The following DCC variants were observed in gnomAD, a reference collection of about 807,000 sequenced individuals.
The protein encoded by DCC is netrin receptor DCC.
DCC carries 58 observed loss-of-function variants against 172.5 expected under a neutral mutation model. The observed-to-expected ratio is 0.34, with a 90% CI of 0.27 to 0.42. DCC has a LOEUF of 0.42. Ranked by LOEUF, DCC falls within the 10% of genes least tolerant of loss-of-function variation. The pLI, the probability that DCC is intolerant of heterozygous loss-of-function variation, is 1.00. For synonymous variants in DCC, 709 were observed against 644.5 expected, an observed-to-expected ratio of 1.10 and a Z score of -1.52; for missense variants, 1,740 against 1,791.0, an observed-to-expected ratio of 0.97 and a Z score of 0.51.
At chr18:52,858,979 G>A (rs1301744110) in intron 2 of DCC, among the ~76,000 whole-genome samples, 1 of 152,070 alleles carries the variant, frequency 6.6e-6, no homozygotes, top group Non-Finnish European at 1.5e-5. Flanking sequence ...CAGTAAAATA[G>A]GGCAAATATA....
intron 7 of DCC, among the ~76,000 whole-genome samples, chr18:53,093,108 C>T (rs891019199): frequency 6.6e-6 from 1 of 151,988 alleles, no homozygotes; most frequent in African/African-American, 2.4e-5. Flanking sequence ...ATGGTGAAAC[C>T]CCATCTCTAC....
At chr18:52,433,514 G>T (rs1388919338) in intron 1 of DCC, among the ~76,000 whole-genome samples, 1 of 152,022 alleles carries the variant, frequency 6.6e-6, no homozygotes, top group African/African-American at 2.4e-5. Context: ...ACAACAATTT[G>T]GCAAATAATG....
intron 14 of DCC, among the ~76,000 whole-genome samples, chr18:53,331,246 G>A (rs1349884139): frequency 6.6e-6 from 1 of 152,132 alleles, no homozygotes; most frequent in African/African-American, 2.4e-5. Flanking sequence ...CAAACCAATA[G>A]GTCTGTAGTT....
chr18:52,504,388 C>A (rs1598871439), intron 1 of DCC, among the ~76,000 whole-genome samples: 2 of 152,142 alleles, frequency 1.3e-5, no homozygotes, highest in Non-Finnish European at 1.5e-5. Flanking sequence ...CTGGCTAGTA[C>A]TTCCTGTCCT....
chr18:53,278,049 A>T (rs2056826651), intron 12 of DCC, among the ~76,000 whole-genome samples: 1 of 152,142 alleles, frequency 6.6e-6, no homozygotes. Flanking sequence ...TTTTCTTTAA[A>T]GGGAGTTGAT....
At chr18:53,415,082 G>T (rs1056367909) in intron 20 of DCC, among the ~76,000 whole-genome samples, 1 of 152,078 alleles carries the variant, frequency 6.6e-6, no homozygotes, top group Non-Finnish European at 1.5e-5. Context: ...TTCTTATTAG[G>T]CAATGATTTG....
chr18:52,866,161 A>G (rs772576217), intron 2 of DCC, among the ~76,000 whole-genome samples: 1 of 152,076 alleles, frequency 6.6e-6, no homozygotes, highest in African/African-American at 2.4e-5. Flanking sequence ...TCCTTTCCGC[A>G]CTGCTTGTTT....
chr18:53,301,313 T>G (rs1422917326), intron 12 of DCC, among the ~76,000 whole-genome samples: 2 of 151,976 alleles, frequency 1.3e-5, no homozygotes, highest in Non-Finnish European at 2.9e-5. Context: ...GGTCTCGAAC[T>G]CCTGACCACA....
intron 9 of DCC, among the ~76,000 whole-genome samples, chr18:53,193,403 G>A (rs1039264264): frequency 6.6e-6 from 1 of 152,102 alleles, no homozygotes; most frequent in Non-Finnish European, 1.5e-5. Flanking sequence ...AACATTCATT[G>A]AGCATTTCCT....
intron 2 of DCC, among the ~76,000 whole-genome samples, chr18:52,825,936 G>GA (rs758367698): frequency 4.9e-4 from 75 of 152,146 alleles, no homozygotes; most frequent in Non-Finnish European, 3.4e-4. Flanking sequence ...CTGAGGGGGG[G>GA]AAAAACAGCA....
intron 5 of DCC, among the ~76,000 whole-genome samples, chr18:53,016,700 A>G (rs1051112095): frequency 3.3e-5 from 5 of 152,174 alleles, no homozygotes; most frequent in Admixed American, 1.3e-4. Flanking sequence ...CTAGAGAAAT[A>G]TGTAAGAGGA....
chr18:52,828,093 C>T (rs1050181265), intron 2 of DCC, among the ~76,000 whole-genome samples: 14 of 152,082 alleles, frequency 9.2e-5, no homozygotes, highest in Admixed American at 9.2e-4. Flanking sequence ...TTCCCACATG[C>T]CCCATGCTAA....
chr18:52,354,674 AC>A lies in DCC; in HGVS notation c.91+13798del, dbSNP rs572171334. Among the ~76,000 whole-genome samples the A allele has an allele frequency of 5.8e-4, 88 of 152,200 alleles. 1 individual carries two copies. Among genetic ancestry groups the A allele is most frequent in the Non-Finnish European group, 9.7e-4 (66 of 68,032 alleles). ...ATTAATTATTCAATAAATACTCATT[AC>A]CAAATTGGTTTTTATATAATGATTA... is the stretch of plus-strand genomic sequence containing the variant. On this transcript the variant is annotated intron_variant, in intron 1 of 28. Coordinates refer to ENST00000442544, the MANE Select transcript of DCC (RefSeq NM_005215.4).
intron 2 of DCC, among the ~76,000 whole-genome samples, chr18:52,883,376 G>A (rs1473971972): frequency 3.9e-5 from 5 of 126,644 alleles, no homozygotes; most frequent in African/African-American, 1.3e-4. Flanking sequence ...GTGTGTGTGT[G>A]TGTGTGTGTG....
intron 1 of DCC, among the ~76,000 whole-genome samples, chr18:52,370,538 G>T (rs1372429297): frequency 6.6e-6 from 1 of 151,986 alleles, no homozygotes; most frequent in Admixed American, 6.5e-5. Flanking sequence ...ACATTGGGGG[G>T]AACAATACAC....
At chr18:53,488,574 C>T (rs2045927718) in intron 26 of DCC, among the ~76,000 whole-genome samples, 3 of 152,156 alleles carry the variant, frequency 2.0e-5, no homozygotes, top group Non-Finnish European at 4.4e-5. Flanking sequence ...CATCAATTTA[C>T]TCTTTCCGTT....
chr18:53,095,809 T>TTTTTTG (rs2043078251), intron 7 of DCC, among the ~76,000 whole-genome samples: 5 of 135,852 alleles, frequency 3.7e-5, no homozygotes, highest in Admixed American at 7.3e-5. Context: ...TTTTTTTTTT[T>TTTTTTG]GGAGGGTATG....
chr18:53,157,831 AC>A (rs1346945299), intron 8 of DCC, among the ~76,000 whole-genome samples: 1 of 152,230 alleles, frequency 6.6e-6, no homozygotes, highest in African/African-American at 2.4e-5. Flanking sequence ...GTATAAAAGC[AC>A]TACTGTGGCT....
intron 12 of DCC, among the ~76,000 whole-genome samples, chr18:53,277,815 C>A (rs970714993): frequency 6.6e-6 from 1 of 152,122 alleles, no homozygotes; most frequent in Non-Finnish European, 1.5e-5. Context: ...CTTTGCTCTG[C>A]ATATTTGTAA....
Sources: allele counts gnomAD v4.1 joint callset (sites outside exome capture counted in the v4.1 genomes callset), GRCh38; gene constraint gnomAD v4.1.1; transcripts MANE v1.5; gene names NCBI Gene and HGNC (gene_info 2026-07-23, HGNC 2026-07-21).